Variants in ERCC6L2 observed in about 807,000 individuals in gnomAD.
ERCC6L2 encodes ERCC excision repair 6 like 2, also known as DNA excision repair protein ERCC-6-like 2.
Under a neutral mutation model 132.0 loss-of-function variants are expected in ERCC6L2, and 77 were observed. The observed-to-expected ratio is 0.58, with a 90% CI of 0.49 to 0.71. The LOEUF (loss-of-function observed/expected upper bound fraction) is 0.71. Among genes scored for constraint, ERCC6L2 ranks in the 30% least tolerant of loss-of-function variants. The pLI, the probability that ERCC6L2 is intolerant of heterozygous loss-of-function variation, is 0.00. For missense variants in ERCC6L2, 1,542 were observed against 1,837.6 expected (o/e 0.84, Z 2.94); for synonymous variants, 583 against 632.4 (o/e 0.92, Z 1.17).
intron 6 of ERCC6L2, among the ~76,000 whole-genome samples, chr9:95,920,650 A>G (rs1021115038): frequency 6.6e-6 from 1 of 152,176 alleles, no homozygotes; most frequent in African/African-American, 2.4e-5. Context: ...AAAAAATTCT[A>G]TGAGGTTTAT....
chr9:95,978,030 C>T (rs952741206), intron 16 of ERCC6L2, 31 bp from the exon 17 acceptor site: 1 of 1,339,554 alleles, frequency 7.5e-7, no homozygotes. Flanking sequence ...TATACTGATA[C>T]ATCACTTAAT....
In ERCC6L2 at chr9:96,034,304, T is replaced by C. The variant is rs746362804; in HGVS notation, c.*1504-4572T>C. Reference sequence around the variant, plus strand: ...TATTGCTCTGGTTTGTAAATGTGGATGTCGGAGGAAACTGTAAATGTAGGT... The same window carrying C: ...TATTGCTCTGGTTTGTAAATGTGGACGTCGGAGGAAACTGTAAATGTAGGT... On this transcript the variant is annotated intron_variant and NMD_transcript_variant, in intron 19 of 20. Coordinates refer to the ERCC6L2 transcript ENST00000670016. Among the ~76,000 whole-genome samples the C allele has an allele frequency of 2.8e-4, 43 of 152,302 alleles. No individual in the cohort carries two copies. In the Middle Eastern group the frequency reaches 0.01, roughly 36 times the overall value.
chr9:95,961,643 C>G (rs909577327), intron 13 of ERCC6L2, among the ~76,000 whole-genome samples: 4 of 152,066 alleles, frequency 2.6e-5, no homozygotes, highest in Non-Finnish European at 5.9e-5. Flanking sequence ...AAACCAAATT[C>G]AAAGACAGAC....
rs898636237 is a variant in ERCC6L2 at position 95,943,118 on chromosome 9, T to G, written c.1847+1569T>G. ...TGTATTTACAATTTGTGGCTAAAAT[T>G]TTAAGTCTAAAAAATTACTGGGAGT... On this transcript the variant is annotated intron_variant, in intron 12 of 18. Transcript: ENST00000653738. Among the ~76,000 whole-genome samples the G allele has an allele frequency of 2.0e-5, 3 of 152,256 alleles. No homozygotes were observed. In the East Asian group the frequency reaches 5.8e-4, roughly 29 times the overall value.
downstream of ERCC6L2, chr9:96,020,264 C>T (rs1168170196): frequency 1.8e-5 from 3 of 165,472 alleles, no homozygotes; most frequent in African/African-American, 4.8e-5. Flanking sequence ...CACCTGGTCC[C>T]GCCCATGACA....
intron 17 of ERCC6L2, among the ~76,000 whole-genome samples, chr9:95,985,190 T>A (rs1833050905): frequency 6.6e-6 from 1 of 152,238 alleles, no homozygotes; most frequent in Non-Finnish European, 1.5e-5. Context: ...CTGTTGTTAC[T>A]TACCTCATGT....
chr9:95,959,261 G>C (rs964028474), intron 13 of ERCC6L2, among the ~76,000 whole-genome samples: 11 of 150,240 alleles, frequency 7.3e-5, no homozygotes, highest in Non-Finnish European at 1.5e-4. Flanking sequence ...ACAAACCTGA[G>C]AAAAACAAGC....
At position 95,915,735 on chromosome 9, in the gene ERCC6L2, G is replaced by A. The variant is rs780989576; in HGVS notation, c.856G>A (p.Glu286Lys). The A allele has an allele frequency of 1.1e-4, 185 of 1,613,846 alleles. 2 individuals carry two copies. In the South Asian group the frequency reaches 1.9e-3, roughly 16 times the overall value. ...RIKNPKARVT[E>K]VMKALKCNVR... ...CAAGAATCCAAAAGCTAGAGTAACA[G>A]AAGTTATGAAAGCTTTGAAATGTAA... The change falls in exon 5 of 19, where the codon GAA (glutamate) becomes AAA (lysine). Residue 286 changes from glutamate to lysine, a missense_variant. Glu to Lys is a moderately conservative substitution (Grantham distance 56). Coordinates refer to ENST00000653738, the MANE Select transcript of ERCC6L2 (RefSeq NM_020207.7).
At chr9:95,926,578 A>T (rs1830111437) in intron 9 of ERCC6L2, among the ~76,000 whole-genome samples, 1 of 152,190 alleles carries the variant, frequency 6.6e-6, no homozygotes, top group African/African-American at 2.4e-5. Context: ...TCAAAAGGCA[A>T]AACTATGGAG....
At chr9:95,922,728 T>C (rs1829929982) in intron 8 of ERCC6L2, among the ~76,000 whole-genome samples, 1 of 152,206 alleles carries the variant, frequency 6.6e-6, no homozygotes, top group African/African-American at 2.4e-5. Context: ...CCTCTAATAA[T>C]GTCTGTAATG....
intron 9 of ERCC6L2, among the ~76,000 whole-genome samples, chr9:95,927,241 CTTGA>C (rs1830139095): frequency 6.6e-6 from 1 of 151,874 alleles, no homozygotes; most frequent in African/African-American, 2.4e-5. Flanking sequence ...AATAGCTTCT[CTTGA>C]TTGAGTAAGT....
Position 95,978,048 on chromosome 9 carries a change from A to G in ERCC6L2, c.3338-13A>G, listed in dbSNP as rs1447351342. On this transcript the variant is annotated splice_polypyrimidine_tract_variant and intron_variant, in intron 16 of 18. Transcript: ENST00000653738. Reference sequence around the variant, plus strand: ...ACTGATACATCACTTAATAAACATAAATTACCTCCTAGATGGCGTTCAGGA... The same window carrying G: ...ACTGATACATCACTTAATAAACATAGATTACCTCCTAGATGGCGTTCAGGA... 7.4e-7 allele frequency: 1 copy of G among 1,357,086 alleles called. No homozygotes were observed. Among genetic ancestry groups the G allele is most frequent in the South Asian group, 1.2e-5 (1 of 86,432 alleles). The allele number at this position is 1,357,086 out of a possible 1,614,324, so 84.1% of individuals were successfully genotyped here. A position where few individuals can be genotyped will look rare whatever the true frequency, so the allele number is the denominator to read the frequency against.
At chr9:95,959,799 T>G (rs940645288) in intron 13 of ERCC6L2, among the ~76,000 whole-genome samples, 2 of 147,926 alleles carry the variant, frequency 1.4e-5, no homozygotes, top group African/African-American at 2.5e-5. Context: ...GCAAGAAGAG[T>G]TTTCTTGGTG....
intron 3 of ERCC6L2, among the ~76,000 whole-genome samples, chr9:95,899,600 A>ATATATATATGTGTGTG (rs746946004): frequency 5.5e-4 from 74 of 134,886 alleles, no homozygotes; most frequent in African/African-American, 2.1e-3. Flanking sequence ...TTATATATAT[A>ATATATATATGTGTGTG]TGTGTGTGTG....
At position 95,966,472 on chromosome 9, in the gene ERCC6L2, A is replaced by G. The variant is rs540440179; in HGVS notation, c.1948-90A>G. 1.3e-5 allele frequency: 16 copies of G among 1,191,970 alleles called. No homozygotes were observed. The African/African-American group carries it at 2.2e-4, about 16-fold the overall frequency. 73.8% of individuals were successfully genotyped at this position (1,191,970 alleles called of 1,614,324 possible). ...TAAGGAGATTCTGCCTGCTCCAGCT[A>G]AAGCTGTGTATATACAGGGAATGCC... On this transcript the variant is annotated intron_variant, in intron 13 of 18. Transcript: ENST00000653738.
At chr9:96,024,673 A>C (rs111860570) in intron 19 of ERCC6L2, among the ~76,000 whole-genome samples, 1 of 152,160 alleles carries the variant, frequency 6.6e-6, no homozygotes, top group Non-Finnish European at 1.5e-5. Context: ...GAATTCATTT[A>C]TGGGTGATCA....
intron 16 of ERCC6L2, among the ~76,000 whole-genome samples, chr9:95,973,511 AC>A (rs1326178609): frequency 3.3e-5 from 5 of 152,188 alleles, no homozygotes; most frequent in Non-Finnish European, 7.4e-5. Context: ...GGGAGGCCTC[AC>A]AATCATGGCG....
intron 4 of ERCC6L2, among the ~76,000 whole-genome samples, chr9:95,907,481 A>G (rs886646001): frequency 3.3e-5 from 5 of 151,814 alleles, no homozygotes; most frequent in Admixed American, 1.3e-4. Flanking sequence ...CTAGGATTAT[A>G]GGTGTGAGCC....
At chr9:95,880,778 G>A (rs1827546192) in intron 1 of ERCC6L2, 91 bp from the exon 2 acceptor site, 1 of 1,135,550 alleles carries the variant, frequency 8.8e-7, no homozygotes, top group South Asian at 1.7e-5. Context: ...AGGCATTTAT[G>A]TGAGGTATAT....
Sources: gnomAD v4.1 joint callset for allele counts (sites outside exome capture counted in the v4.1 genomes callset) on GRCh38, gnomAD v4.1.1 for gene constraint, MANE v1.5 for transcripts, NCBI Gene and HGNC (gene_info 2026-07-23, HGNC 2026-07-21) for gene names.